The following SBF1 variants were observed in gnomAD, a reference collection of about 807,000 sequenced individuals.
SBF1 encodes the protein SET binding factor 1.
SBF1 carries 65 observed loss-of-function variants against 215.8 expected under a neutral mutation model. The ratio of observed to expected loss-of-function variants is 0.30; its 90% CI spans 0.25 to 0.37. The LOEUF is 0.37. Among genes scored for constraint, SBF1 ranks in the 10% least tolerant of loss-of-function variants. SBF1 has a pLI of 1.00. For missense variants in SBF1, 2,634 were observed against 2,667.8 expected (o/e 0.99, Z 0.28); for synonymous variants, 1,410 against 1,122.8 (o/e 1.26, Z -5.11).
intron 23 of SBF1, 94 bp downstream of exon 23, chr22:50,461,065 G>C (rs759522714): frequency 6.9e-7 from 1 of 1,459,034 alleles, no homozygotes; most frequent in Non-Finnish European, 9.1e-7. Flanking sequence ...CACTGCTGGA[G>C]ACTGGCCTAA....
chr22:50,455,644 C>G, intron 31 of SBF1, 62 bp from the exon 32 acceptor site: 1 of 1,388,682 alleles, frequency 7.2e-7, no homozygotes, highest in Non-Finnish European at 1.0e-6. Context: ...GGCCACTCAC[C>G]AGGCCAGAGA....
rs1253579054 is a variant in SBF1 at position 50,467,914 on chromosome 22, G to C, written c.151C>G (p.Pro51Ala). 1 of 1,613,754 alleles carries C rather than the reference G, an allele frequency of 6.2e-7. No homozygotes were observed. Among genetic ancestry groups the C allele is most frequent in the Non-Finnish European group, 8.5e-7 (1 of 1,179,938 alleles). The change falls in exon 3 of 41, where the codon CCC (proline) becomes GCC (alanine). Residue 51 changes from proline (P) to alanine (A), a missense_variant. By Grantham distance (27) the Pro-to-Ala change is conservative. Coordinates refer to ENST00000380817, the MANE Select transcript of SBF1 (RefSeq NM_002972.4). Reference sequence around the variant, plus strand: ...TCGGGACACAGCTGCCACCCGCTGGGCTGGCAAAACTGCAGGGAAGGCTCA... The same window carrying C: ...TCGGGACACAGCTGCCACCCGCTGGCCTGGCAAAACTGCAGGGAAGGCTCA... The part of the protein sequence containing the change: ...FPQGIELFCQ[P>A]SGWQLCPERN...
chr22:50,454,190 G>A (rs1362011849), intron 36 of SBF1, among the ~76,000 whole-genome samples: 1 of 152,222 alleles, frequency 6.6e-6, no homozygotes. Context: ...CTCCTCAACA[G>A]GTGCCTGAGC....
At position 50,473,508 on chromosome 22, in the gene SBF1, G is replaced by A. The variant is rs138127136; in HGVS notation, c.55+1278C>T. The stretch of plus-strand genomic sequence containing the variant: ...AAAAAGACAGATGCTCATGACTGAC[G>A]GTGCCATAAGACACACACTTGGATA... On this transcript the variant is annotated intron_variant, in intron 1 of 40. Transcript: ENST00000380817. 2.0e-4 allele frequency among the ~76,000 whole-genome samples: 31 copies of A among 152,280 alleles called. No homozygotes were observed. In the East Asian group the frequency reaches 3.3e-3, roughly 16 times the overall value.
Position 50,454,698 on chromosome 22 carries a change from G to C in SBF1, c.4857C>G (p.Asp1619Glu), listed in dbSNP as rs956315341. 4 of 1,568,644 alleles carry C rather than the reference G, an allele frequency of 2.5e-6. No homozygotes were observed. In the Admixed American group the frequency reaches 5.6e-5, roughly 22 times the overall value. Residue 1619 changes from aspartate to glutamate, a missense_variant, in exon 36 of 41, where the codon GAC (aspartate) becomes GAG (glutamate). Asp to Glu is a conservative substitution (Grantham distance 45). Coordinates refer to ENST00000380817, the MANE Select transcript of SBF1 (RefSeq NM_002972.4). Reference sequence around the variant, plus strand: ...CGGCCAGCGTCTCCTCAGTGTAGAAGTCCCACACCTTCAGGTTGGACACGT... The same window carrying C: ...CGGCCAGCGTCTCCTCAGTGTAGAACTCCCACACCTTCAGGTTGGACACGT... ...YSNVSNLKVW[D>E]FYTEETLAEG...
chr22:50,467,601 T>A lies in SBF1; in HGVS notation c.369A>T (p.Pro123=). ...TCTTCGGTGCAAACAGCTGGGCAGA[T>A]GGGGCAGGTGCTGTGGGAGACAGGT... ...QTHLSPTAPA[P]SAQLFAPKTL... Residue 123 remains proline (P), a synonymous_variant, in exon 4 of 41, where the codon CCA becomes CCT. Transcript: ENST00000380817. The A allele has an allele frequency of 6.2e-7, 1 of 1,612,798 alleles. No homozygotes were observed. Among genetic ancestry groups the A allele is most frequent in the Non-Finnish European group, 8.5e-7 (1 of 1,179,580 alleles).
In SBF1 at chr22:50,461,188, C is replaced by A; in HGVS notation, c.2938G>T (p.Gly980Trp). Residue 980 changes from glycine (G) to tryptophan (W), a missense_variant, in exon 23 of 41, where the codon GGG (glycine) becomes TGG (tryptophan). By Grantham distance (184) the Gly-to-Trp change is radical. Transcript: ENST00000380817. Reference protein sequence around the residue: ...QTPVDQLLQDGLQLRSCTFQL... With the variant: ...QTPVDQLLQDWLQLRSCTFQL... ...AATGTGCAGGAGCGCAGCTGGAGCC[C>A]GTCCTGCAGGAGCTGGTCCACAGGG... is the stretch of plus-strand genomic sequence containing the variant. 1 of 1,609,126 alleles carries A rather than the reference C, an allele frequency of 6.2e-7. No individual in the cohort carries two copies. Among genetic ancestry groups the A allele is most frequent in the Non-Finnish European group, 8.5e-7 (1 of 1,177,360 alleles).
chr22:50,455,564 C>G lies in SBF1; in HGVS notation c.4285G>C (p.Val1429Leu). 1 of 1,584,920 alleles carries G rather than the reference C, an allele frequency of 6.3e-7. No individual in the cohort carries two copies. The highest frequency in any genetic ancestry group is 8.6e-7 in the Non-Finnish European group (1 of 1,165,614). Reference protein sequence around the residue: ...WLIQIHKLLQVSVLVVELLDS... With the variant: ...WLIQIHKLLQLSVLVVELLDS... ...AGGAGCTCCACCACCAGCACAGACA[C>G]CTGCAGCAGCTTGTGGATCTGCAGG... Residue 1429 changes from valine (V) to leucine (L), a missense_variant, in exon 32 of 41, where the codon GTG becomes CTG. Val to Leu is a conservative substitution (Grantham distance 32). Transcript: ENST00000380817.
rs1029115983 is a variant in SBF1, at chr22:50,448,407, T to G, written c.5189A>C (p.His1730Pro). 6 of 1,613,650 alleles carry G rather than the reference T, an allele frequency of 3.7e-6. No individual in the cohort carries two copies. The Admixed American group carries it at 1.0e-4, about 27-fold the overall frequency. The change falls in exon 38 of 41, where the codon CAC (histidine) becomes CCC (proline). Residue 1730 changes from histidine (H) to proline (P), a missense_variant. His to Pro is a moderately conservative substitution (Grantham distance 77, BLOSUM62 -2). Coordinates refer to ENST00000380817, the MANE Select transcript of SBF1 (RefSeq NM_002972.4). ...PSSLLVSTAP[H>P]HRRSLGVYLQ... ...GTACACACCCAGCGAGCGACGGTGGTGGGGTGCGGTGGACACAAGGAGGGA... is the reference window on the plus strand; with the variant it reads ...GTACACACCCAGCGAGCGACGGTGGGGGGGTGCGGTGGACACAAGGAGGGA...
chr22:50,470,720 G>A (rs544642118), intron 1 of SBF1, among the ~76,000 whole-genome samples: 1 of 152,346 alleles, frequency 6.6e-6, no homozygotes, highest in South Asian at 2.1e-4. Context: ...ATTAGGGCTT[G>A]TAGAACACGT....
chr22:50,462,157 C>T, intron 19 of SBF1, 38 bp from the exon 20 acceptor site: 2 of 1,608,546 alleles, frequency 1.2e-6, no homozygotes, highest in Non-Finnish European at 1.7e-6. Flanking sequence ...GGGCCCTGCC[C>T]ACCACGGCCC....
Position 50,455,464 on chromosome 22 carries a change from C to T in SBF1, c.4368+17G>A, listed in dbSNP as rs116526390. 3,047 of 1,612,012 alleles carry T rather than the reference C, an allele frequency of 1.9e-3. 49 individuals carry two copies. In the African/African-American group the frequency reaches 0.034, roughly 18 times the overall value. ...AGCCCGGGAGCCTGGCCCACCCCAG[C>T]CCCACGCGCCACACACCTGGGTGGT... On this transcript the variant is annotated intron_variant, in intron 32 of 40. Coordinates refer to ENST00000380817, the MANE Select transcript of SBF1 (RefSeq NM_002972.4).
chr22:50,456,197 G>A lies in SBF1; in HGVS notation c.4266+19C>T, dbSNP rs753159020. 8.7e-6 allele frequency: 14 copies of A among 1,609,546 alleles called. No individual in the cohort carries two copies. In the South Asian group the frequency reaches 1.3e-4, roughly 15 times the overall value. On this transcript the variant is annotated intron_variant, in intron 31 of 40. Coordinates refer to ENST00000380817, the MANE Select transcript of SBF1 (RefSeq NM_002972.4). Reference sequence around the variant, plus strand: ...GGCCCAGCACCAAGGCGGGCAGAGGGACGGGGCAGTGCAGAGACCTGGATC... The same window carrying A: ...GGCCCAGCACCAAGGCGGGCAGAGGAACGGGGCAGTGCAGAGACCTGGATC...
intron 36 of SBF1, among the ~76,000 whole-genome samples, chr22:50,454,290 A>C (rs2067159521): frequency 6.6e-6 from 1 of 152,036 alleles, no homozygotes; most frequent in African/African-American, 2.4e-5. Context: ...CCCTCCTGTC[A>C]CTGTCTGGAA....
intron 36 of SBF1, among the ~76,000 whole-genome samples, chr22:50,452,585 T>G (rs1311129776): frequency 6.6e-6 from 1 of 151,738 alleles, no homozygotes; most frequent in Non-Finnish European, 1.5e-5. Context: ...TAGCCGGGCA[T>G]GATGGTGGGT....
In SBF1 at chr22:50,447,507, C is replaced by T; in HGVS notation, c.5451+15G>A. The T allele has an allele frequency of 6.2e-7, 1 of 1,612,488 alleles. No individual in the cohort carries two copies. Among genetic ancestry groups the T allele is most frequent in the South Asian group, 1.1e-5 (1 of 91,048 alleles). The stretch of plus-strand genomic sequence containing the variant: ...CCCCTCCCCCGTGAGTCCCCCCCAC[C>T]ACCTGATCACTCACCTGGTGCTTGG... On this transcript the variant is annotated intron_variant, in intron 39 of 40. Coordinates refer to ENST00000380817, the MANE Select transcript of SBF1 (RefSeq NM_002972.4).
chr22:50,445,255 A>AAAT lies in SBF1; in HGVS notation c.*1884_*1886dup, dbSNP rs1306554161. 6.6e-6 allele frequency: 1 copy of AAAT among 152,442 alleles called. No individual in the cohort carries two copies. The highest frequency in any genetic ancestry group is 2.4e-5 in the African/African-American group (1 of 41,450). 9.4% of individuals were successfully genotyped at this position (152,442 alleles called of 1,614,324 possible). A position where few individuals can be genotyped will look rare whatever the true frequency, so the allele number is the denominator to read the frequency against. On this transcript the variant is annotated 3_prime_UTR_variant, in exon 41 of 41. Transcript: ENST00000380817. ...CGGCATCAGGTCTCTACAGCTTAGC[A>AAAT]AATACTGACATTTTTCCGTTTGGGG...
At chr22:50,474,685 CT>C in intron 1 of SBF1, 100 bp downstream of exon 1, 1 of 1,035,726 alleles carries the variant, frequency 9.7e-7, no homozygotes, top group Middle Eastern at 3.3e-4. Flanking sequence ...GCCCCCAGCC[CT>C]CGGCCCCCAG....
intron 28 of SBF1, among the ~76,000 whole-genome samples, chr22:50,458,550 G>A (rs574524501): frequency 2.0e-5 from 3 of 152,310 alleles, no homozygotes; most frequent in African/African-American, 7.2e-5. Context: ...CAGCAAGACA[G>A]GGCGATTGTA....
Sources: gnomAD v4.1 joint callset for allele counts (sites outside exome capture counted in the v4.1 genomes callset) on GRCh38, gnomAD v4.1.1 for gene constraint, MANE v1.5 for transcripts, NCBI Gene and HGNC (gene_info 2026-07-23, HGNC 2026-07-21) for gene names.